Variants in ASAP1 observed in about 807,000 individuals in gnomAD.
The protein encoded by ASAP1 is ArfGAP with SH3 domain, ankyrin repeat and PH domain 1.
A neutral mutation model predicts 145.2 loss-of-function variants in ASAP1; 43 were observed. The observed-to-expected ratio is 0.30, with a 90% CI of 0.23 to 0.38. The LOEUF (loss-of-function observed/expected upper bound fraction) is 0.38, where lower values mean the gene tolerates loss of function less well. ASAP1 is among the 10% of genes least tolerant of loss of function. ASAP1 has a pLI of 1.00. For synonymous variants in ASAP1, 546 were observed against 515.5 expected (o/e 1.06, Z -0.80); for missense variants, 1,018 against 1,355.3 (o/e 0.75, Z 3.91).
At chr8:130,191,571 T>C (rs1402462609) in intron 5 of ASAP1, among the ~76,000 whole-genome samples, 2 of 152,178 alleles carry the variant, frequency 1.3e-5, no homozygotes, top group African/African-American at 4.8e-5. Flanking sequence ...CCAACTCTAC[T>C]ACATTATGCT....
intron 5 of ASAP1, among the ~76,000 whole-genome samples, chr8:130,210,710 C>G (rs958238339): frequency 1.6e-4 from 24 of 152,176 alleles, no homozygotes; most frequent in Non-Finnish European, 3.1e-4. Context: ...TGAAACAAGG[C>G]ATAATCTGTA....
rs543050621 is a variant in ASAP1 at position 130,146,605 on chromosome 8, A to G, written c.1080+6131T>C. Among the ~76,000 whole-genome samples, 86 of 152,330 alleles carry G rather than the reference A, an allele frequency of 5.6e-4. 1 individual carries two copies. The South Asian group carries it at 0.017, about 30-fold the overall frequency. On this transcript the variant is annotated intron_variant, in intron 13 of 29. Coordinates refer to ENST00000518721, the MANE Select transcript of ASAP1 (RefSeq NM_018482.4). ...GCCAGTAACAGAAACAAGGTTACTG[A>G]ATACATTAATAGCAAAGAAGAGAGC...
intron 3 of ASAP1, among the ~76,000 whole-genome samples, chr8:130,262,457 A>AGAGAGAGAGAGAGAGT (rs796416744): frequency 7.8e-6 from 1 of 127,802 alleles, no homozygotes; most frequent in Admixed American, 8.4e-5. Context: ...AGAGAGAGAG[A>AGAGAGAGAGAGAGAGT]ACCTGTGGAA....
At chr8:130,057,452 G>A (rs550360790) in intron 29 of ASAP1, among the ~76,000 whole-genome samples, 2 of 150,074 alleles carry the variant, frequency 1.3e-5, no homozygotes, top group South Asian at 4.5e-4. Flanking sequence ...CCCCATGGCT[G>A]TTTTTCTTTT....
chr8:130,131,603 GAAAA>G (rs1159191172), intron 15 of ASAP1, among the ~76,000 whole-genome samples: 5 of 63,108 alleles, frequency 7.9e-5, no homozygotes, highest in African/African-American at 4.1e-4. Context: ...CATGGCTACT[GAAAA>G]AAAAAAAAAA....
rs1039109273 is a variant in ASAP1, at chr8:130,093,581, C to T, written c.2402-1438G>A. 6.7e-5 allele frequency among the ~76,000 whole-genome samples: 10 copies of T among 148,456 alleles called. 1 individual carries two copies. On this transcript the variant is annotated intron_variant, in intron 24 of 29. Transcript: ENST00000518721. ...GCTCGGGAGGCTGAGGCTGGAGAAT[C>T]GCTTGAACCCAGGAAGTGGCGGTTG...
intron 20 of ASAP1, 111 bp from the exon 21 acceptor site, chr8:130,117,106 T>C (rs1179062781): frequency 1.6e-6 from 1 of 642,320 alleles, no homozygotes; most frequent in African/African-American, 1.8e-5. Flanking sequence ...GACCTAATTA[T>C]TATAATAGAG....
chr8:130,160,725 G>A (rs2097667401), intron 11 of ASAP1: 7 of 1,117,150 alleles, frequency 6.3e-6, no homozygotes, highest in Non-Finnish European at 8.2e-6. Flanking sequence ...TGCAGAACGA[G>A]AACATGGTCT....
chr8:130,085,027 T>C (rs899366917), intron 25 of ASAP1, among the ~76,000 whole-genome samples: 15 of 152,176 alleles, frequency 9.9e-5, no homozygotes, highest in African/African-American at 3.6e-4. Flanking sequence ...TTGTCAGGGA[T>C]TGGTAGAACC....
intron 7 of ASAP1, among the ~76,000 whole-genome samples, chr8:130,185,738 A>AG (rs1163139360): frequency 1.3e-5 from 2 of 151,124 alleles, no homozygotes; most frequent in Non-Finnish European, 3.0e-5. Flanking sequence ...TCAAAAAAAA[A>AG]AAAAAAAAAA....
intron 1 of ASAP1, among the ~76,000 whole-genome samples, chr8:130,423,745 T>C (rs972501543): frequency 2.6e-5 from 4 of 152,270 alleles, no homozygotes; most frequent in Admixed American, 6.5e-5. Flanking sequence ...AGTGGTTATC[T>C]CTCATTGGCT....
intron 2 of ASAP1, among the ~76,000 whole-genome samples, chr8:130,363,924 G>A (rs868526257): frequency 1.3e-5 from 2 of 152,312 alleles, no homozygotes; most frequent in African/African-American, 4.8e-5. Context: ...TGAAGGAGCA[G>A]GATGGAGGGA....
At chr8:130,107,007 C>G (rs16904204) in intron 24 of ASAP1, among the ~76,000 whole-genome samples, 1 of 152,066 alleles carries the variant, frequency 6.6e-6, no homozygotes, top group Non-Finnish European at 1.5e-5. Context: ...ATGCTCACTA[C>G]GTGCCAGTCA....
At chr8:130,150,863 G>A (rs1047477804) in intron 13 of ASAP1, among the ~76,000 whole-genome samples, 2 of 152,166 alleles carry the variant, frequency 1.3e-5, no homozygotes, top group African/African-American at 2.4e-5. Flanking sequence ...CTGGGCGACA[G>A]AGCCAGACCC....
At chr8:130,380,576 A>G (rs1489872077) in intron 2 of ASAP1, among the ~76,000 whole-genome samples, 1 of 152,206 alleles carries the variant, frequency 6.6e-6, no homozygotes, top group East Asian at 1.9e-4. Context: ...AGACAAGTCA[A>G]GAGGTGACTA....
chr8:130,347,260 A>C (rs1311146880), intron 3 of ASAP1, among the ~76,000 whole-genome samples: 1 of 152,200 alleles, frequency 6.6e-6, no homozygotes, highest in African/African-American at 2.4e-5. Flanking sequence ...TTTCCTGACC[A>C]CATCAGCAAA....
chr8:130,145,843 CT>C (rs34484540), intron 13 of ASAP1, among the ~76,000 whole-genome samples: 4,631 of 138,990 alleles, frequency 0.033, 89 homozygotes, highest in African/African-American at 0.061. Context: ...CAAAGTAAAA[CT>C]TTTTTTTTTT....
At chr8:130,247,153 C>T (rs1392641668) in intron 3 of ASAP1, 1 of 152,148 alleles carries the variant, frequency 6.6e-6, no homozygotes, top group Non-Finnish European at 1.5e-5. Flanking sequence ...CTGTTAACAC[C>T]TTTCTCATAT....
At chr8:130,099,680 C>CTTTTTTTTTTTTTTTTTTTTTTTTTTTTT (rs57950334) in intron 24 of ASAP1, among the ~76,000 whole-genome samples, 1 of 100,228 alleles carries the variant, frequency 1.0e-5, no homozygotes, top group Non-Finnish European at 2.1e-5. Context: ...GGATTTCATT[C>CTTTTTTTTTTTTTTTTTTTTTTTTTTTTT]TTTTTTTTTT....
Sources: allele counts gnomAD v4.1 joint callset (sites outside exome capture counted in the v4.1 genomes callset), GRCh38; gene constraint gnomAD v4.1.1; transcripts MANE v1.5; gene names NCBI Gene and HGNC (gene_info 2026-07-23, HGNC 2026-07-21).